KCTD16: variants seen among roughly 807,000 people sequenced by gnomAD.
KCTD16 encodes BTB/POZ domain-containing protein KCTD16.
In KCTD16, 13 loss-of-function variants were observed where a neutral mutation model predicts 33.2. The observed-to-expected ratio is 0.39, with a 90% confidence interval of 0.25 to 0.62. KCTD16 has a LOEUF of 0.62. KCTD16 is among the 20% of genes least tolerant of loss of function. The pLI, the probability that KCTD16 is intolerant of heterozygous loss-of-function variation, is 0.50. For missense variants in KCTD16, 441 were observed against 525.1 expected, an observed-to-expected ratio of 0.84 and a Z score of 1.57; for synonymous variants, 197 against 195.3, an observed-to-expected ratio of 1.01 and a Z score of -0.07.
chr5:144,312,140 T>G (rs1448187998), intron 3 of KCTD16, among the ~76,000 whole-genome samples: 2 of 152,196 alleles, frequency 1.3e-5, no homozygotes, highest in Non-Finnish European at 2.9e-5. Flanking sequence ...GAATAAAGAC[T>G]GCTCCGAATT....
intron 3 of KCTD16, among the ~76,000 whole-genome samples, chr5:144,458,690 T>A (rs1194606994): frequency 6.6e-6 from 1 of 152,186 alleles, no homozygotes; most frequent in Non-Finnish European, 1.5e-5. Flanking sequence ...ACCAAAGGAA[T>A]GATATAAACC....
At chr5:144,432,292 G>C (rs767669319) in intron 3 of KCTD16, among the ~76,000 whole-genome samples, 2 of 152,050 alleles carry the variant, frequency 1.3e-5, no homozygotes, top group Non-Finnish European at 2.9e-5. Flanking sequence ...TATGTGGTAG[G>C]AACATTAATA....
chr5:144,249,403 T>G (rs947138750), intron 3 of KCTD16, among the ~76,000 whole-genome samples: 1 of 152,132 alleles, frequency 6.6e-6, no homozygotes, highest in African/African-American at 2.4e-5. Flanking sequence ...TATTTATACA[T>G]TCATTGATTG....
At chr5:144,387,545 TAAAG>T (rs1374510093) in intron 3 of KCTD16, among the ~76,000 whole-genome samples, 3 of 152,090 alleles carry the variant, frequency 2.0e-5, no homozygotes, top group African/African-American at 7.2e-5. Context: ...ACTTAAAGCA[TAAAG>T]AAAGAATCAG....
chr5:144,309,019 A>G (rs890874708), intron 3 of KCTD16, among the ~76,000 whole-genome samples: 4 of 152,126 alleles, frequency 2.6e-5, no homozygotes, highest in Non-Finnish European at 5.9e-5. Context: ...ACAGATTGTT[A>G]AGTGGTGTGG....
intron 3 of KCTD16, among the ~76,000 whole-genome samples, chr5:144,317,860 C>T (rs1160051473): frequency 6.6e-6 from 1 of 152,168 alleles, no homozygotes; most frequent in African/African-American, 2.4e-5. Context: ...TACGTTTTTA[C>T]CTGCATGGTG....
intron 3 of KCTD16, among the ~76,000 whole-genome samples, chr5:144,305,885 C>G (rs1028717600): frequency 6.6e-6 from 1 of 151,680 alleles, no homozygotes. Context: ...GGAGAGAGCC[C>G]TCAGAAGAAA....
intron 3 of KCTD16, among the ~76,000 whole-genome samples, chr5:144,448,648 G>A (rs938439262): frequency 6.6e-6 from 1 of 152,040 alleles, no homozygotes; most frequent in African/African-American, 2.4e-5. Context: ...ACAAGAGCAA[G>A]CATATTTTTA....
intron 2 of KCTD16, among the ~76,000 whole-genome samples, chr5:144,202,375 C>G (rs2126786366): frequency 1.3e-5 from 2 of 152,362 alleles, no homozygotes; most frequent in South Asian, 4.1e-4. Flanking sequence ...CTTACTCTAG[C>G]ACTATTTAAA....
intron 3 of KCTD16, among the ~76,000 whole-genome samples, chr5:144,326,051 A>T (rs911210720): frequency 6.6e-6 from 1 of 152,198 alleles, no homozygotes; most frequent in African/African-American, 2.4e-5. Context: ...TTTTAATGTG[A>T]TTATTTTAAT....
At chr5:144,278,485 C>CTTTTTTTTTTTTT (rs1220359408) in intron 3 of KCTD16, among the ~76,000 whole-genome samples, 4 of 89,988 alleles carry the variant, frequency 4.4e-5, no homozygotes, top group Non-Finnish European at 8.2e-5. Context: ...TGTTAGTCTT[C>CTTTTTTTTTTTTT]TTTTTTTTTT....
chr5:144,368,038 G>A (rs723223), intron 3 of KCTD16, among the ~76,000 whole-genome samples: 29,246 of 151,768 alleles, frequency 0.19, 3,220 homozygotes, highest in East Asian at 0.51. Context: ...AAAAGGGATC[G>A]TTATTCTGTT....
chr5:144,223,826 G>A (rs553861155), intron 3 of KCTD16, among the ~76,000 whole-genome samples: 94 of 152,226 alleles, frequency 6.2e-4, no homozygotes, highest in African/African-American at 2.2e-3. Context: ...AGCTTTTAAA[G>A]TGGTGCTGTT....
chr5:144,233,947 A>G (rs1754176915), intron 3 of KCTD16, among the ~76,000 whole-genome samples: 1 of 152,124 alleles, frequency 6.6e-6, no homozygotes, highest in African/African-American at 2.4e-5. Flanking sequence ...CATCTAGGAA[A>G]CCATACTATT....
chr5:144,346,283 AC>A (rs1174549728), intron 3 of KCTD16, among the ~76,000 whole-genome samples: 1 of 152,116 alleles, frequency 6.6e-6, no homozygotes, highest in African/African-American at 2.4e-5. Flanking sequence ...TTGCTTTCAA[AC>A]CTTAGGTATT....
At chr5:144,225,010 A>G (rs1753886712) in intron 3 of KCTD16, among the ~76,000 whole-genome samples, 1 of 152,188 alleles carries the variant, frequency 6.6e-6, no homozygotes, top group Admixed American at 6.5e-5. Flanking sequence ...GGGTAAGGAT[A>G]GACCAATGAA....
At chr5:144,468,344 G>A (rs576698453) in intron 3 of KCTD16, among the ~76,000 whole-genome samples, 26 of 152,154 alleles carry the variant, frequency 1.7e-4, no homozygotes, top group African/African-American at 5.8e-4. Flanking sequence ...AATTCTTCCC[G>A]TTCAGGTAAC....
intron 3 of KCTD16, among the ~76,000 whole-genome samples, chr5:144,306,791 T>C (rs1751613767): frequency 6.6e-6 from 1 of 152,174 alleles, no homozygotes; most frequent in Non-Finnish European, 1.5e-5. Flanking sequence ...CCTTTCTAAA[T>C]TCCTGAAAAC....
At chr5:144,288,745 G>A (rs1310024641) in intron 3 of KCTD16, among the ~76,000 whole-genome samples, 12 of 152,182 alleles carry the variant, frequency 7.9e-5, no homozygotes, top group East Asian at 1.9e-4. Context: ...TGAGGCAAGC[G>A]GATCACTTGA....
Sources: allele counts gnomAD v4.1 joint callset (sites outside exome capture counted in the v4.1 genomes callset), GRCh38; gene constraint gnomAD v4.1.1; transcripts MANE v1.5; gene names NCBI Gene and HGNC (gene_info 2026-07-23, HGNC 2026-07-21).